The following ARHGAP39 variants were observed in gnomAD, a reference collection of about 807,000 sequenced individuals.
The protein encoded by ARHGAP39 is Rho GTPase activating protein 39, also known as rho GTPase-activating protein 39.
ARHGAP39 carries 44 observed loss-of-function variants against 106.9 expected under a neutral mutation model. The ratio of observed to expected loss-of-function variants is 0.41; its 90% CI spans 0.32 to 0.53. ARHGAP39 has a LOEUF of 0.53. Among genes scored for constraint, ARHGAP39 ranks in the 20% least tolerant of loss-of-function variants. ARHGAP39 has a pLI of 0.21. For missense variants in ARHGAP39, 1,496 were observed against 1,577.3 expected, an observed-to-expected ratio of 0.95 and a Z score of 0.87; for synonymous variants, 768 against 693.2, an observed-to-expected ratio of 1.11 and a Z score of -1.69.
intron 1 of ARHGAP39, among the ~76,000 whole-genome samples, chr8:144,682,331 C>T (rs1181800625): frequency 6.7e-6 from 1 of 149,144 alleles, no homozygotes; most frequent in African/African-American, 2.5e-5. Flanking sequence ...GGGTGGATCA[C>T]GAGGTCAGGA....
intron 1 of ARHGAP39, among the ~76,000 whole-genome samples, chr8:144,672,901 C>T (rs940162984): frequency 6.6e-5 from 10 of 152,156 alleles, no homozygotes; most frequent in African/African-American, 2.4e-4. Flanking sequence ...ACCAGTGTAG[C>T]ATCGCTACCA....
At chr8:144,583,334 C>T (rs1465698966) in intron 2 of ARHGAP39, among the ~76,000 whole-genome samples, 1 of 152,252 alleles carries the variant, frequency 6.6e-6, no homozygotes, top group Non-Finnish European at 1.5e-5. Flanking sequence ...ACAGCCTTCA[C>T]CCAGATTCAC....
chr8:144,556,216 C>T (rs960469989), intron 3 of ARHGAP39, among the ~76,000 whole-genome samples: 5 of 145,226 alleles, frequency 3.4e-5, no homozygotes, highest in Admixed American at 7.2e-5. Context: ...ACCCGGGAGG[C>T]GGAGCGTGCA....
chr8:144,547,824 T>G lies in ARHGAP39; in HGVS notation c.1262A>C (p.Asn421Thr). Residue 421 changes from asparagine to threonine, a missense_variant, in exon 5 of 12, where the codon AAC (asparagine) becomes ACC (threonine). Transcript: ENST00000377307. This position sits in a 1 kb window ranked among gnomAD's most constrained non-coding sequence, Gnocchi z 5.2. ...CAAGGAGTACGAACCACCGCCGGGG[T>G]TGGGCGCGTACTTGTGCCGCGGGCC... is the stretch of plus-strand genomic sequence containing the variant. ...RAGPRHKYAP[N>T]PGGGSYSLQP... 6.3e-7 allele frequency: 1 copy of G among 1,591,420 alleles called. No homozygotes were observed. The highest frequency in any genetic ancestry group is 8.5e-7 in the Non-Finnish European group (1 of 1,171,016).
At chr8:144,598,317 G>A (rs1433634281) in intron 2 of ARHGAP39, among the ~76,000 whole-genome samples, 2 of 152,208 alleles carry the variant, frequency 1.3e-5, no homozygotes, top group African/African-American at 4.8e-5. Flanking sequence ...TCCACGTTGT[G>A]TGTAAAGGGG....
rs1199542248 is a variant in ARHGAP39, at chr8:144,645,907, G to A, written c.-82+39779C>T. 2.0e-5 allele frequency among the ~76,000 whole-genome samples: 3 copies of A among 152,230 alleles called. No individual in the cohort carries two copies. Among genetic ancestry groups the A allele is most frequent in the East Asian group, 1.9e-4 (1 of 5,196 alleles). Reference sequence around the variant, plus strand: ...TGGAGCTGGCCTTGCCTGGGTGCTGGTGCAAGGTATGCGGCAGCAACACCA... The same window carrying A: ...TGGAGCTGGCCTTGCCTGGGTGCTGATGCAAGGTATGCGGCAGCAACACCA... On this transcript the variant is annotated intron_variant, in intron 1 of 11. Coordinates refer to ENST00000377307, the MANE Select transcript of ARHGAP39 (RefSeq NM_025251.3). The surrounding 1 kb of genome is among the most constrained non-coding windows in gnomAD (Gnocchi z 4.4).
At chr8:144,651,344 A>G (rs1048945474) in intron 1 of ARHGAP39, among the ~76,000 whole-genome samples, 10 of 152,242 alleles carry the variant, frequency 6.6e-5, no homozygotes, top group Admixed American at 6.5e-4. Flanking sequence ...AGAAATTTAC[A>G]AATTCAATGC....
the ARHGAP39 span, among the ~76,000 whole-genome samples, chr8:144,695,885 G>C: frequency 6.6e-6 from 1 of 152,154 alleles, no homozygotes; most frequent in Non-Finnish European, 1.5e-5. Flanking sequence ...TGCATTCTTG[G>C]ATGTGCTGGG....
intron 1 of ARHGAP39, among the ~76,000 whole-genome samples, chr8:144,606,033 T>C (rs995612249): frequency 6.6e-6 from 1 of 152,190 alleles, no homozygotes; most frequent in South Asian, 2.1e-4. Flanking sequence ...ACTGGAGGAC[T>C]GGGAGGAGGG....
intron 7 of ARHGAP39, among the ~76,000 whole-genome samples, chr8:144,537,121 G>A (rs908441242): frequency 2.0e-5 from 3 of 152,108 alleles, no homozygotes; most frequent in African/African-American, 7.2e-5. Context: ...GGGTTCACAG[G>A]GCTTTCCTGA....
Position 144,684,091 on chromosome 8 carries a change from G to C in ARHGAP39, c.-82+1595C>G, listed in dbSNP as rs1361732334. On this transcript the variant is annotated intron_variant, in intron 1 of 11. Transcript: ENST00000377307. The surrounding 1 kb of genome is among the most constrained non-coding windows in gnomAD (Gnocchi z 4.4). ...GTAAACAGAAGAGTCGCGACTCAGA[G>C]GCGGGCAGCCTGGCTCCAGAACCCG... Among the ~76,000 whole-genome samples the C allele has an allele frequency of 1.3e-5, 2 of 152,190 alleles. No homozygotes were observed. The highest frequency in any genetic ancestry group is 2.9e-5 in the Non-Finnish European group (2 of 68,026).
intron 1 of ARHGAP39, among the ~76,000 whole-genome samples, chr8:144,616,405 CA>C (rs1206345338): frequency 6.6e-6 from 1 of 152,214 alleles, no homozygotes; most frequent in Non-Finnish European, 1.5e-5. Flanking sequence ...TGAGAAAACC[CA>C]TGGAAGGGCT....
At chr8:144,583,799 G>GA (rs1000716746) in intron 2 of ARHGAP39, among the ~76,000 whole-genome samples, 4 of 151,906 alleles carry the variant, frequency 2.6e-5, no homozygotes, top group South Asian at 2.1e-4. Flanking sequence ...ACTGTCATTG[G>GA]AAAAAAAACC....
intron 1 of ARHGAP39, among the ~76,000 whole-genome samples, chr8:144,619,045 G>A (rs1306619758): frequency 6.6e-6 from 1 of 152,216 alleles, no homozygotes; most frequent in Non-Finnish European, 1.5e-5. Flanking sequence ...AGTGGACACA[G>A]GGAGCAGGAC....
At chr8:144,638,254 C>CT (rs1821225472) in intron 1 of ARHGAP39, among the ~76,000 whole-genome samples, 1 of 152,246 alleles carries the variant, frequency 6.6e-6, no homozygotes, top group South Asian at 2.1e-4. Flanking sequence ...GATGACTTCT[C>CT]TCCTACCTCT....
chr8:144,545,342 T>G lies in ARHGAP39; in HGVS notation c.2428A>C (p.Ile810Leu). The G allele has an allele frequency of 6.3e-7, 1 of 1,599,008 alleles. No individual in the cohort carries two copies. Among genetic ancestry groups the G allele is most frequent in the Non-Finnish European group, 8.5e-7 (1 of 1,170,012 alleles). ...GTGGGCGGGAAAAAGGCCAGGCAGATGGCCATGAGCTCCCAGCCGCGGGCC... is the reference window on the plus strand; with the variant it reads ...GTGGGCGGGAAAAAGGCCAGGCAGAGGGCCATGAGCTCCCAGCCGCGGGCC... ...SLARGWELMA[I>L]CLAFFPPTPK... Residue 810 changes from isoleucine (I) to leucine (L), a missense_variant, in exon 6 of 12, where the codon ATC (isoleucine) becomes CTC (leucine). Coordinates refer to ENST00000377307, the MANE Select transcript of ARHGAP39 (RefSeq NM_025251.3).
chr8:144,694,053 G>A, the ARHGAP39 span, among the ~76,000 whole-genome samples: 5 of 152,316 alleles, frequency 3.3e-5, no homozygotes, highest in Admixed American at 6.5e-5. Flanking sequence ...GAATGTGACC[G>A]GAGGCCTACC....
intron 2 of ARHGAP39, among the ~76,000 whole-genome samples, chr8:144,597,909 G>T (rs1819683026): frequency 6.6e-6 from 1 of 152,178 alleles, no homozygotes; most frequent in African/African-American, 2.4e-5. Flanking sequence ...AGACAGGGAT[G>T]CGTCCACACC....
At chr8:144,676,803 CAG>C (rs1353155319) in intron 1 of ARHGAP39, among the ~76,000 whole-genome samples, 1 of 152,260 alleles carries the variant, frequency 6.6e-6, no homozygotes, top group African/African-American at 2.4e-5. Flanking sequence ...CGGCCAGCCC[CAG>C]AGAGAGGCCC....
Sources: allele counts gnomAD v4.1 joint callset (sites outside exome capture counted in the v4.1 genomes callset), GRCh38; gene constraint gnomAD v4.1.1; non-coding constraint Gnocchi (gnomAD v3.1); transcripts MANE v1.5; gene names NCBI Gene and HGNC (gene_info 2026-07-23, HGNC 2026-07-21).